Variants in PAQR5 observed in about 807,000 individuals in gnomAD.
The protein encoded by PAQR5 is membrane progestin receptor gamma.
In PAQR5, 20 loss-of-function variants were observed where a neutral mutation model predicts 34.5. The observed-to-expected ratio is 0.58, with a 90% confidence interval of 0.41 to 0.84. PAQR5 has a LOEUF of 0.84. Among genes scored for constraint, PAQR5 ranks in the 40% least tolerant of loss-of-function variants. The pLI, the probability that PAQR5 is intolerant of heterozygous loss-of-function variation, is 0.00. For missense variants in PAQR5, 378 were observed against 412.7 expected (o/e 0.92, Z 0.73); for synonymous variants, 131 against 155.6 (o/e 0.84, Z 1.18).
chr15:69,389,199 A>G (rs2056190138), intron 5 of PAQR5, among the ~76,000 whole-genome samples: 1 of 152,146 alleles, frequency 6.6e-6, no homozygotes, highest in African/African-American at 2.4e-5. Flanking sequence ...CACTCTGAGT[A>G]GAGCTCAGCT....
At chr15:69,306,712 A>AT (rs561367981) in intron 1 of PAQR5, among the ~76,000 whole-genome samples, 21 of 152,044 alleles carry the variant, frequency 1.4e-4, no homozygotes, top group Middle Eastern at 3.4e-3. Flanking sequence ...CCATTTAACC[A>AT]TTTTTTAAGT....
At chr15:69,303,560 TAAA>T (rs112795464) in intron 1 of PAQR5, among the ~76,000 whole-genome samples, 1 of 141,222 alleles carries the variant, frequency 7.1e-6, no homozygotes. Flanking sequence ...CCAGTGCAAT[TAAA>T]AAAAAAAAAA....
chr15:69,373,957 A>C (rs2055632894), intron 3 of PAQR5, among the ~76,000 whole-genome samples: 1 of 152,096 alleles, frequency 6.6e-6, no homozygotes, highest in Non-Finnish European at 1.5e-5. Context: ...ATTGTCCATT[A>C]AATTATTAAT....
intron 5 of PAQR5, among the ~76,000 whole-genome samples, chr15:69,386,054 TACAC>T (rs1210663509): frequency 4.7e-5 from 7 of 147,704 alleles, no homozygotes; most frequent in Middle Eastern, 7.1e-3. Context: ...CACATGCACA[TACAC>T]ATACTCTCAG....
chr15:69,388,179 G>A (rs1040673494), intron 5 of PAQR5, among the ~76,000 whole-genome samples: 6 of 152,122 alleles, frequency 3.9e-5, no homozygotes, highest in Admixed American at 1.3e-4. Flanking sequence ...CCAGTGTAGC[G>A]CCCTCCTGCC....
Position 69,336,090 on chromosome 15 carries a change from A to T in PAQR5, c.-276-1251A>T, listed in dbSNP as rs191352249. The stretch of plus-strand genomic sequence containing the variant: ...AGGTGGCTTCATGCTATCTTCATTG[A>T]GTCTTGTTTGGAAAGCTAAGTCTCC... On this transcript the variant is annotated intron_variant, in intron 1 of 8. Coordinates refer to ENST00000395407, the MANE Select transcript of PAQR5 (RefSeq NM_017705.4). Among the ~76,000 whole-genome samples the T allele has an allele frequency of 4.1e-3, 630 of 152,278 alleles. 4 individuals carry two copies. The highest frequency in any genetic ancestry group is 0.01 in the Admixed American group (153 of 15,294).
chr15:69,343,927 C>T (rs1304150827), intron 2 of PAQR5, among the ~76,000 whole-genome samples: 1 of 152,156 alleles, frequency 6.6e-6, no homozygotes, highest in African/African-American at 2.4e-5. Context: ...GTATAATGAC[C>T]TAGCAAACCC....
Position 69,329,924 on chromosome 15 carries a change from C to T in PAQR5, c.-276-7417C>T, listed in dbSNP as rs142859208. On this transcript the variant is annotated intron_variant, in intron 1 of 8. Coordinates refer to ENST00000395407, the MANE Select transcript of PAQR5 (RefSeq NM_017705.4). ...CTGGCATTGATTCAGGGTTTTGTAGCTAATAAAGTTTGTTCACATCTATTA... is the reference window on the plus strand; with the variant it reads ...CTGGCATTGATTCAGGGTTTTGTAGTTAATAAAGTTTGTTCACATCTATTA... Among the ~76,000 whole-genome samples, 743 of 152,264 alleles carry T rather than the reference C, an allele frequency of 4.9e-3. 14 individuals carry two copies. Among genetic ancestry groups the T allele is most frequent in the African/African-American group, 0.017 (693 of 41,546 alleles).
chr15:69,304,842 A>G (rs994680704), intron 1 of PAQR5, among the ~76,000 whole-genome samples: 1 of 152,212 alleles, frequency 6.6e-6, no homozygotes, highest in African/African-American at 2.4e-5. Flanking sequence ...GAGACCAACT[A>G]TGATAGCTTC....
rs142011919 is a variant in PAQR5 at position 69,318,367 on chromosome 15, G to GTTTAACA, written c.-276-18973_-276-18967dup. Among the ~76,000 whole-genome samples the GTTTAACA allele has an allele frequency of 8.2e-3, 1,255 of 152,344 alleles. 16 individuals carry two copies. Among genetic ancestry groups the GTTTAACA allele is most frequent in the African/African-American group, 0.029 (1,197 of 41,582 alleles). On this transcript the variant is annotated intron_variant, in intron 1 of 8. Coordinates refer to ENST00000395407, the MANE Select transcript of PAQR5 (RefSeq NM_017705.4). The stretch of plus-strand genomic sequence containing the variant: ...CAGCCATGTCATGTTTGAGACACCT[G>GTTTAACA]TTTAACACCCAGGTGGAGGCAGGTG...
At chr15:69,325,060 G>A (rs546643374) in intron 1 of PAQR5, among the ~76,000 whole-genome samples, 8 of 152,044 alleles carry the variant, frequency 5.3e-5, no homozygotes, top group African/African-American at 9.6e-5. Flanking sequence ...CACCATGCCC[G>A]GCTAATTTTT....
Position 69,385,355 on chromosome 15 carries a change from G to T in PAQR5, c.385+473G>T, listed in dbSNP as rs992862625. 1.3e-5 allele frequency among the ~76,000 whole-genome samples: 2 copies of T among 152,158 alleles called. No homozygotes were observed. The highest frequency in any genetic ancestry group is 3.8e-4 in the East Asian group (2 of 5,196). Reference sequence around the variant, plus strand: ...GTGTTCAGCACTCAGCTCTCTCACAGGCCAGAATGAACTGACTCCAGTACA... The same window carrying T: ...GTGTTCAGCACTCAGCTCTCTCACATGCCAGAATGAACTGACTCCAGTACA... On this transcript the variant is annotated intron_variant, in intron 5 of 8. Transcript: ENST00000395407. The surrounding 1 kb of genome is among the most constrained non-coding windows in gnomAD (Gnocchi z 4.7).
rs755856977 is a variant in PAQR5 at position 69,359,822 on chromosome 15, ATC to A, written c.-115-143_-115-142del. On this transcript the variant is annotated intron_variant, in intron 2 of 8. Coordinates refer to ENST00000395407, the MANE Select transcript of PAQR5 (RefSeq NM_017705.4). ...TTGGAGTGGATGACTCAGCAGTCTGATCATTTTGCTGTTTTTAAGGAAGCTTG... is the reference window on the plus strand; with the variant it reads ...TTGGAGTGGATGACTCAGCAGTCTGAATTTTGCTGTTTTTAAGGAAGCTTG... 180 of 441,792 alleles carry A rather than the reference ATC, an allele frequency of 4.1e-4. 2 individuals are homozygous for A. The highest frequency in any genetic ancestry group is 3.2e-3 in the Admixed American group (81 of 25,496). The allele number at this position is 441,792 out of a possible 1,614,324, so 27.4% of individuals were successfully genotyped here. A position where few individuals can be genotyped will look rare whatever the true frequency, so the allele number is the denominator to read the frequency against.
chr15:69,315,373 G>C (rs1439197365), intron 1 of PAQR5, among the ~76,000 whole-genome samples: 1 of 152,156 alleles, frequency 6.6e-6, no homozygotes, highest in Non-Finnish European at 1.5e-5. Flanking sequence ...AATAATTCCA[G>C]TGAATCCCCA....
intron 1 of PAQR5, among the ~76,000 whole-genome samples, chr15:69,301,328 G>A (rs1034378886): frequency 2.0e-5 from 3 of 152,130 alleles, no homozygotes; most frequent in African/African-American, 7.2e-5. Context: ...CAGAGAGACA[G>A]AGGACTTTCA....
At chr15:69,322,799 A>AGAG (rs1426770910) in intron 1 of PAQR5, among the ~76,000 whole-genome samples, 1 of 140,000 alleles carries the variant, frequency 7.1e-6, no homozygotes, top group African/African-American at 2.9e-5. Context: ...AGGAAGAAGA[A>AGAG]GAAGAGGAAG....
In PAQR5 at chr15:69,404,014, T is replaced by G. The variant is rs1315818084; in HGVS notation, c.*192T>G. The G allele has an allele frequency of 1.3e-5, 8 of 597,570 alleles. No individual in the cohort carries two copies. Among genetic ancestry groups the G allele is most frequent in the Non-Finnish European group, 2.3e-5 (8 of 350,472 alleles). 37.0% of individuals were successfully genotyped at this position (597,570 alleles called of 1,614,324 possible). ...TAAATGTACACTGATTCTGTGTGTGTGATTTTAAAAGGAGAATATGGTTCA... is the reference window on the plus strand; with the variant it reads ...TAAATGTACACTGATTCTGTGTGTGGGATTTTAAAAGGAGAATATGGTTCA... On this transcript the variant is annotated 3_prime_UTR_variant, in exon 9 of 9. Coordinates refer to ENST00000395407, the MANE Select transcript of PAQR5 (RefSeq NM_017705.4).
chr15:69,311,261 A>T (rs1048959318), intron 1 of PAQR5, among the ~76,000 whole-genome samples: 22 of 151,876 alleles, frequency 1.4e-4, no homozygotes, highest in Non-Finnish European at 2.1e-4. Flanking sequence ...CTACACGTTG[A>T]AAGAGTGAAG....
At chr15:69,365,265 C>T (rs991141771) in intron 3 of PAQR5, among the ~76,000 whole-genome samples, 1 of 151,714 alleles carries the variant, frequency 6.6e-6, no homozygotes, top group African/African-American at 2.4e-5. Flanking sequence ...TGCCACCATC[C>T]CTGGCTAATT....
Sources: gnomAD v4.1 joint callset for allele counts (sites outside exome capture counted in the v4.1 genomes callset) on GRCh38, gnomAD v4.1.1 for gene constraint, Gnocchi (gnomAD v3.1) non-coding constraint, MANE v1.5 for transcripts, NCBI Gene and HGNC (gene_info 2026-07-23, HGNC 2026-07-21) for gene names.